GRM5: variants seen among roughly 807,000 people sequenced by gnomAD.
GRM5 encodes the protein glutamate metabotropic receptor 5, also known as metabotropic glutamate receptor 5.
Under a neutral mutation model 83.1 loss-of-function variants are expected in GRM5, and 19 were observed. That is an observed-to-expected ratio of 0.23 (90% CI 0.16 to 0.34). The LOEUF is 0.34. Among genes scored for constraint, GRM5 ranks in the 10% least tolerant of loss-of-function variants. The pLI, the probability that GRM5 is intolerant of heterozygous loss-of-function variation, is 1.00. For synonymous variants in GRM5, 675 were observed against 633.6 expected (o/e 1.07, Z -0.98); for missense variants, 1,160 against 1,588.3 (o/e 0.73, Z 4.58).
chr11:88,771,153 C>T (rs1047500517), intron 3 of GRM5, among the ~76,000 whole-genome samples: 5 of 152,004 alleles, frequency 3.3e-5, no homozygotes, highest in African/African-American at 1.2e-4. Flanking sequence ...TAGCTTCTAG[C>T]CCCTTGAATG....
At chr11:88,529,701 T>C (rs1173722696) in intron 8 of GRM5, among the ~76,000 whole-genome samples, 3 of 151,928 alleles carry the variant, frequency 2.0e-5, no homozygotes, top group East Asian at 3.8e-4. Flanking sequence ...ACTACAGTTA[T>C]GCATGTGAGA....
intron 2 of GRM5, among the ~76,000 whole-genome samples, chr11:88,944,570 T>G (rs1201987441): frequency 2.0e-5 from 3 of 151,856 alleles, no homozygotes; most frequent in Non-Finnish European, 2.9e-5. Flanking sequence ...ATGACTCAAT[T>G]TTATTAACTA....
At chr11:88,569,129 G>T (rs1360884807) in intron 7 of GRM5, among the ~76,000 whole-genome samples, 1 of 152,122 alleles carries the variant, frequency 6.6e-6, no homozygotes, top group Non-Finnish European at 1.5e-5. Context: ...TGAGACCTGG[G>T]TGTCCCATTG....
At chr11:88,538,632 T>C (rs1186919945) in intron 8 of GRM5, among the ~76,000 whole-genome samples, 2 of 152,168 alleles carry the variant, frequency 1.3e-5, no homozygotes, top group African/African-American at 2.4e-5. Context: ...ACATGAACAA[T>C]TGGAAATGCA....
chr11:88,594,403 C>T (rs1246400499), intron 6 of GRM5, among the ~76,000 whole-genome samples: 1 of 152,132 alleles, frequency 6.6e-6, no homozygotes, highest in African/African-American at 2.4e-5. Flanking sequence ...GTCTCTATTG[C>T]AACTCAGCAA....
intron 3 of GRM5, among the ~76,000 whole-genome samples, chr11:88,797,102 C>T (rs148784337): frequency 6.6e-6 from 1 of 152,160 alleles, no homozygotes; most frequent in East Asian, 1.9e-4. Context: ...AGGTGTTCAA[C>T]ATGAGAAGAC....
chr11:88,554,977 G>A (rs1942592939), intron 8 of GRM5, among the ~76,000 whole-genome samples: 1 of 152,224 alleles, frequency 6.6e-6, no homozygotes, highest in Admixed American at 6.6e-5. Flanking sequence ...AGGAAGGAGG[G>A]AACAATTACC....
intron 3 of GRM5, among the ~76,000 whole-genome samples, chr11:88,680,950 A>C (rs1447231402): frequency 6.6e-6 from 1 of 152,186 alleles, no homozygotes; most frequent in Non-Finnish European, 1.5e-5. Context: ...AGAAGTACAG[A>C]TGAGAGACAA....
chr11:88,632,760 C>T (rs1939011461), intron 4 of GRM5, among the ~76,000 whole-genome samples: 1 of 152,184 alleles, frequency 6.6e-6, no homozygotes, highest in Non-Finnish European at 1.5e-5. Context: ...AACTATCAAA[C>T]TATTTTCCAA....
intron 1 of GRM5, among the ~76,000 whole-genome samples, chr11:89,058,561 T>C (rs1941924172): frequency 6.6e-6 from 1 of 152,206 alleles, no homozygotes; most frequent in Admixed American, 6.6e-5. Flanking sequence ...GTCTTAGAAA[T>C]TCTCTACCTG....
intron 2 of GRM5, among the ~76,000 whole-genome samples, chr11:88,993,091 C>A (rs1376862250): frequency 6.7e-6 from 1 of 148,466 alleles, no homozygotes; most frequent in Non-Finnish European, 1.5e-5. Context: ...ATAGTGAAAC[C>A]CACCTCTACT....
intron 2 of GRM5, chr11:88,984,672 T>A (rs1478869578): frequency 1.9e-6 from 1 of 526,014 alleles, no homozygotes. Flanking sequence ...TTGTAAGACC[T>A]ATATATTTTT....
chr11:88,678,895 A>T (rs1349568149), intron 3 of GRM5, among the ~76,000 whole-genome samples: 1 of 152,072 alleles, frequency 6.6e-6, no homozygotes. Context: ...TGTGGTAAAA[A>T]GAAGCTTGAC....
At chr11:88,537,740 CT>C (rs1208018879) in intron 8 of GRM5, among the ~76,000 whole-genome samples, 6 of 152,024 alleles carry the variant, frequency 3.9e-5, no homozygotes, top group African/African-American at 1.4e-4. Flanking sequence ...ATCTTGTGGT[CT>C]CCGTGCGCAG....
intron 8 of GRM5, among the ~76,000 whole-genome samples, chr11:88,541,220 G>C (rs1378314976): frequency 6.6e-6 from 1 of 152,086 alleles, no homozygotes; most frequent in Non-Finnish European, 1.5e-5. Context: ...TCACAATAAA[G>C]GAAAGTGAGA....
chr11:88,788,157 C>G (rs1182367304), intron 3 of GRM5, among the ~76,000 whole-genome samples: 2 of 152,114 alleles, frequency 1.3e-5, no homozygotes, highest in Non-Finnish European at 2.9e-5. Context: ...CTCCTTAGAT[C>G]AGAACAGGCC....
intron 3 of GRM5, among the ~76,000 whole-genome samples, chr11:88,659,779 G>A (rs1317900444): frequency 6.6e-6 from 1 of 152,140 alleles, no homozygotes; most frequent in African/African-American, 2.4e-5. Flanking sequence ...AGACAATTAC[G>A]AAGATAAAAG....
intron 2 of GRM5, among the ~76,000 whole-genome samples, chr11:88,962,905 A>G (rs575416612): frequency 6.6e-6 from 1 of 152,320 alleles, no homozygotes; most frequent in East Asian, 1.9e-4. Context: ...CCTGGCCAAC[A>G]TGGTGAAACC....
intron 2 of GRM5, among the ~76,000 whole-genome samples, chr11:88,874,419 T>C (rs1257544837): frequency 6.6e-6 from 1 of 151,802 alleles, no homozygotes; most frequent in Non-Finnish European, 1.5e-5. Flanking sequence ...GTATCTCTTA[T>C]CACTTACAAA....
Sources: allele counts gnomAD v4.1 joint callset (sites outside exome capture counted in the v4.1 genomes callset), GRCh38; gene constraint gnomAD v4.1.1; transcripts MANE v1.5; gene names NCBI Gene and HGNC (gene_info 2026-07-23, HGNC 2026-07-21).